GRM5: variants seen among roughly 807,000 people sequenced by gnomAD.
GRM5 encodes the protein glutamate metabotropic receptor 5.
Under a neutral mutation model 83.1 loss-of-function variants are expected in GRM5, and 19 were observed. The ratio of observed to expected loss-of-function variants is 0.23; its 90% confidence interval spans 0.16 to 0.34. The LOEUF (loss-of-function observed/expected upper bound fraction) is 0.34. Ranked by LOEUF, GRM5 falls within the 10% of genes least tolerant of loss-of-function variation. The pLI is 1.00. For missense variants in GRM5, 1,160 were observed against 1,588.3 expected (o/e 0.73, Z 4.58); for synonymous variants, 675 against 633.6 (o/e 1.07, Z -0.98).
intron 2 of GRM5, among the ~76,000 whole-genome samples, chr11:88,999,150 G>A (rs962147371): frequency 6.6e-6 from 1 of 152,102 alleles, no homozygotes; most frequent in Non-Finnish European, 1.5e-5. Context: ...AGAAAACCTA[G>A]GCAATATCAT....
At position 88,590,597 on chromosome 11, in the gene GRM5, T is replaced by TA; in HGVS notation, c.1690+3_1690+4insT. On this transcript the variant is annotated splice_donor_region_variant and intron_variant, in intron 7 of 9. Transcript: ENST00000305447. The stretch of plus-strand genomic sequence containing the variant: ...TTATATGTGGTGAGATTGTGATAGA[T>TA]TACCTGTGAGATCATCAGTGGGCCA... 2.5e-6 allele frequency: 4 copies of TA among 1,611,232 alleles called. No individual in the cohort carries two copies. The South Asian group carries it at 4.4e-5, about 18-fold the overall frequency.
At chr11:88,641,403 T>C (rs1040757505) in intron 4 of GRM5, among the ~76,000 whole-genome samples, 1 of 151,850 alleles carries the variant, frequency 6.6e-6, no homozygotes, top group Non-Finnish European at 1.5e-5. Flanking sequence ...ATGCTGCCCC[T>C]GGCCCCTCAA....
chr11:89,035,376 T>C (rs1941360060), intron 2 of GRM5, among the ~76,000 whole-genome samples: 1 of 151,886 alleles, frequency 6.6e-6, no homozygotes, highest in African/African-American at 2.4e-5. Flanking sequence ...GTAATATATT[T>C]TTCATTAACA....
chr11:88,920,430 CA>C (rs1245962694), intron 2 of GRM5, among the ~76,000 whole-genome samples: 3 of 10,674 alleles, frequency 2.8e-4, no homozygotes, highest in African/African-American at 5.2e-4. Context: ...AAAAAAAAAC[CA>C]AAAAAAAAAA....
chr11:89,015,341 A>G (rs1298809256), intron 2 of GRM5, among the ~76,000 whole-genome samples: 1 of 152,232 alleles, frequency 6.6e-6, no homozygotes, highest in Non-Finnish European at 1.5e-5. Flanking sequence ...TTCACTGTGA[A>G]GTAACACATG....
chr11:89,041,373 G>C (rs1941530218), intron 2 of GRM5, among the ~76,000 whole-genome samples: 1 of 152,190 alleles, frequency 6.6e-6, no homozygotes. Context: ...GAGTTTTCTA[G>C]TATTTTCAGC....
chr11:88,973,266 G>C (rs1237741206), intron 2 of GRM5, among the ~76,000 whole-genome samples: 2 of 152,100 alleles, frequency 1.3e-5, no homozygotes, highest in South Asian at 2.1e-4. Context: ...GTAGAATTAA[G>C]AGGTATGGTA....
chr11:89,054,787 G>C (rs1376165905), intron 1 of GRM5, among the ~76,000 whole-genome samples: 2 of 152,146 alleles, frequency 1.3e-5, no homozygotes, highest in Admixed American at 6.5e-5. Flanking sequence ...GGTATGCTTT[G>C]ATTTTCTCAA....
chr11:88,851,228 T>G (rs1195159893), intron 2 of GRM5, among the ~76,000 whole-genome samples: 1 of 152,196 alleles, frequency 6.6e-6, no homozygotes, highest in Non-Finnish European at 1.5e-5. Context: ...AGGCTCTATA[T>G]TTTATACAGG....
intron 2 of GRM5, among the ~76,000 whole-genome samples, chr11:89,028,514 T>A (rs1324232197): frequency 6.6e-6 from 1 of 152,208 alleles, no homozygotes; most frequent in Non-Finnish European, 1.5e-5. Context: ...GAAGATCACT[T>A]GAGCCTGAGA....
chr11:88,888,691 A>G (rs2135582037), intron 2 of GRM5, among the ~76,000 whole-genome samples: 1 of 152,300 alleles, frequency 6.6e-6, no homozygotes, highest in African/African-American at 2.4e-5. Flanking sequence ...AGAAATAATA[A>G]GGATCACTAT....
chr11:88,740,189 T>C (rs1160955638), intron 3 of GRM5, among the ~76,000 whole-genome samples: 1 of 152,062 alleles, frequency 6.6e-6, no homozygotes, highest in Non-Finnish European at 1.5e-5. Flanking sequence ...ACACACTAAT[T>C]TTAGCAGTTA....
intron 3 of GRM5, among the ~76,000 whole-genome samples, chr11:88,680,167 G>A (rs1395020405): frequency 2.0e-5 from 3 of 152,124 alleles, no homozygotes; most frequent in East Asian, 1.9e-4. Flanking sequence ...TGCCATGTAG[G>A]TGTGCTGCAC....
At chr11:88,636,137 G>C (rs1368232920) in intron 4 of GRM5, among the ~76,000 whole-genome samples, 6 of 151,922 alleles carry the variant, frequency 3.9e-5, no homozygotes, top group East Asian at 3.9e-4. Flanking sequence ...TTTTTTTCTT[G>C]ACTTATTTCA....
intron 4 of GRM5, among the ~76,000 whole-genome samples, chr11:88,616,371 A>G (rs1938483025): frequency 1.4e-5 from 2 of 147,316 alleles, no homozygotes; most frequent in Admixed American, 7.0e-5. Context: ...GGGGTTGGAT[A>G]AGATAGGGCT....
intron 3 of GRM5, among the ~76,000 whole-genome samples, chr11:88,687,541 C>T (rs11020954): frequency 0.012 from 235 of 19,340 alleles, 8 homozygotes; most frequent in Admixed American, 0.055. Context: ...TATATATACA[C>T]ACACACACAC....
chr11:89,032,092 T>C (rs1262799004), intron 2 of GRM5, among the ~76,000 whole-genome samples: 3 of 152,108 alleles, frequency 2.0e-5, no homozygotes, highest in African/African-American at 4.8e-5. Flanking sequence ...ATTATTTTCA[T>C]TTTCTGTGAC....
intron 7 of GRM5, among the ~76,000 whole-genome samples, chr11:88,569,860 T>C (rs1037143970): frequency 1.3e-5 from 2 of 152,194 alleles, no homozygotes; most frequent in Non-Finnish European, 2.9e-5. Context: ...TCCTATTAAC[T>C]TGTCCTATCC....
At chr11:89,018,281 C>T (rs1327871247) in intron 2 of GRM5, among the ~76,000 whole-genome samples, 1 of 152,074 alleles carries the variant, frequency 6.6e-6, no homozygotes, top group Non-Finnish European at 1.5e-5. Flanking sequence ...ATCCAACCCC[C>T]AGAATAGAGC....
Sources: gnomAD v4.1 joint callset for allele counts (sites outside exome capture counted in the v4.1 genomes callset) on GRCh38, gnomAD v4.1.1 for gene constraint, MANE v1.5 for transcripts, NCBI Gene and HGNC (gene_info 2026-07-23, HGNC 2026-07-21) for gene names.